The following SLC5A11 variants were observed in gnomAD, a reference collection of about 807,000 sequenced individuals.
SLC5A11 encodes solute carrier family 5 member 11, also known as sodium/myo-inositol cotransporter 2.
SLC5A11 carries 48 observed loss-of-function variants against 69.8 expected under a neutral mutation model. The ratio of observed to expected loss-of-function variants is 0.69; its 90% CI spans 0.55 to 0.87. SLC5A11 has a LOEUF of 0.87. SLC5A11 is among the 40% of genes least tolerant of loss of function. SLC5A11 has a pLI of 0.00. For synonymous variants in SLC5A11, 319 were observed against 342.4 expected (o/e 0.93, Z 0.75); for missense variants, 784 against 866.1 (o/e 0.91, Z 1.19).
At chr16:24,868,006 A>G (rs1235563525) in intron 3 of SLC5A11, among the ~76,000 whole-genome samples, 24 of 151,830 alleles carry the variant, frequency 1.6e-4, no homozygotes, top group Admixed American at 1.6e-3. Context: ...TTGTGGTGGC[A>G]TGTGCTTGTA....
chr16:24,897,493 C>T (rs934223272), intron 9 of SLC5A11, among the ~76,000 whole-genome samples: 1 of 152,140 alleles, frequency 6.6e-6, no homozygotes, highest in Non-Finnish European at 1.5e-5. Flanking sequence ...CAAACAGAAG[C>T]TTGGCAAACC....
chr16:24,886,711 C>G (rs1170830664), intron 8 of SLC5A11, among the ~76,000 whole-genome samples: 2 of 152,010 alleles, frequency 1.3e-5, no homozygotes, highest in African/African-American at 4.8e-5. Context: ...AGAATACAGA[C>G]AGAGAGGTGG....
chr16:24,876,502 G>C (rs937643476), intron 6 of SLC5A11, among the ~76,000 whole-genome samples: 1 of 152,216 alleles, frequency 6.6e-6, no homozygotes, highest in African/African-American at 2.4e-5. Flanking sequence ...CTCCAGACAT[G>C]TGCCCCTCAG....
At chr16:24,892,079 T>G (rs529157878) in intron 9 of SLC5A11, among the ~76,000 whole-genome samples, 2 of 147,962 alleles carry the variant, frequency 1.4e-5, no homozygotes, top group African/African-American at 5.0e-5. Context: ...AAGTAAAAAT[T>G]AGCCAGGCAC....
exon 10 of SLC5A11, chr16:24,898,094 C>T (rs932697713): frequency 1.1e-5 from 17 of 1,613,892 alleles, no homozygotes; most frequent in East Asian, 8.9e-5. Flanking sequence ...GATGGTCAGC[C>T]GCATCCTCTT....
intron 1 of SLC5A11, among the ~76,000 whole-genome samples, chr16:24,847,393 C>G (rs75255320): frequency 0.015 from 2,246 of 151,008 alleles, 55 homozygotes; most frequent in African/African-American, 0.052. Flanking sequence ...TCCTCTCTCT[C>G]TCTGTGTGTG....
At chr16:24,904,271 T>C (rs1347982085) in intron 10 of SLC5A11, among the ~76,000 whole-genome samples, 1 of 152,186 alleles carries the variant, frequency 6.6e-6, no homozygotes, top group Non-Finnish European at 1.5e-5. Flanking sequence ...ATATGCCCAG[T>C]AGCAAAATTG....
chr16:24,864,434 A>G (rs2046792514), intron 3 of SLC5A11, among the ~76,000 whole-genome samples: 2 of 152,260 alleles, frequency 1.3e-5, no homozygotes, highest in Admixed American at 1.3e-4. Context: ...AACTTAATTT[A>G]AGAAAGTCAT....
At chr16:24,908,633 A>T (rs2050260682) in intron 13 of SLC5A11, among the ~76,000 whole-genome samples, 1 of 149,876 alleles carries the variant, frequency 6.7e-6, no homozygotes. Context: ...AGAGGTTCTC[A>T]TGAAAAGTAT....
At chr16:24,853,907 C>T (rs1027553139) in intron 1 of SLC5A11, among the ~76,000 whole-genome samples, 3 of 152,234 alleles carry the variant, frequency 2.0e-5, no homozygotes, top group East Asian at 3.8e-4. Flanking sequence ...TCCTGGGATC[C>T]TGTGGCCGAG....
intron 8 of SLC5A11, among the ~76,000 whole-genome samples, chr16:24,888,478 C>CTT (rs891552223): frequency 0.016 from 1,323 of 81,396 alleles, 1 homozygote; most frequent in East Asian, 0.02. Context: ...GTATCTATTT[C>CTT]TTTTTTTTTT....
At chr16:24,861,826 T>A (rs561986039) in intron 2 of SLC5A11, among the ~76,000 whole-genome samples, 2 of 123,376 alleles carry the variant, frequency 1.6e-5, no homozygotes, top group Non-Finnish European at 3.1e-5. Flanking sequence ...AAGAAAAAAT[T>A]AATCACCAAT....
At chr16:24,911,241 T>A in intron 15 of SLC5A11, 87 bp from the exon 17 acceptor site, 1 of 1,282,124 alleles carries the variant, frequency 7.8e-7, no homozygotes, top group Non-Finnish European at 1.1e-6. Flanking sequence ...ATCCCAGCAC[T>A]TGAACACATC....
intron 7 of SLC5A11, among the ~76,000 whole-genome samples, chr16:24,879,069 T>C (rs1439306256): frequency 6.6e-6 from 1 of 152,102 alleles, no homozygotes; most frequent in African/African-American, 2.4e-5. Flanking sequence ...GTGTATATTA[T>C]TATAACCTGA....
At chr16:24,862,926 A>T (rs972975437) in intron 3 of SLC5A11, among the ~76,000 whole-genome samples, 5 of 142,410 alleles carry the variant, frequency 3.5e-5, no homozygotes, top group African/African-American at 7.7e-5. Flanking sequence ...ATTTATATAA[A>T]TATATATTAT....
intron 7 of SLC5A11, among the ~76,000 whole-genome samples, chr16:24,883,371 A>G (rs1181673427): frequency 1.3e-5 from 2 of 151,086 alleles, no homozygotes; most frequent in African/African-American, 4.8e-5. Flanking sequence ...GGCTCTAAAA[A>G]ATAAATAAAT....
chr16:24,878,621 C>T (rs1238048162), intron 7 of SLC5A11, among the ~76,000 whole-genome samples: 1 of 152,144 alleles, frequency 6.6e-6, no homozygotes, highest in African/African-American at 2.4e-5. Context: ...TATGGATATA[C>T]ATTTCCTACT....
intron 3 of SLC5A11, among the ~76,000 whole-genome samples, chr16:24,868,798 C>T (rs923024451): frequency 6.6e-6 from 1 of 151,674 alleles, no homozygotes; most frequent in Admixed American, 6.6e-5. Context: ...TTCCTTCACC[C>T]TTCTCCTCCT....
At chr16:24,898,828 T>C (rs1444206287) in intron 10 of SLC5A11, among the ~76,000 whole-genome samples, 2 of 152,056 alleles carry the variant, frequency 1.3e-5, no homozygotes, top group Non-Finnish European at 2.9e-5. Context: ...TTTTTTGCAT[T>C]TTTTTAAAGA....
Sources: gnomAD v4.1 joint callset for allele counts (sites outside exome capture counted in the v4.1 genomes callset) on GRCh38, gnomAD v4.1.1 for gene constraint, MANE v1.5 for transcripts, NCBI Gene and HGNC (gene_info 2026-07-23, HGNC 2026-07-21) for gene names.